TNRC18: variants seen among roughly 807,000 people sequenced by gnomAD.
TNRC18 encodes the protein trinucleotide repeat-containing gene 18 protein.
A neutral mutation model predicts 226.7 loss-of-function variants in TNRC18; 69 were observed. That is an observed-to-expected ratio of 0.30 (90% confidence interval 0.25 to 0.37). TNRC18 has a LOEUF of 0.37. TNRC18 is among the 10% of genes least tolerant of loss of function. The probability of loss-of-function intolerance (pLI) is 1.00; values close to 1 mark genes in which losing one functional copy is unlikely to be tolerated. For missense variants in TNRC18, 4,754 were observed against 4,256.6 expected, an observed-to-expected ratio of 1.12 and a Z score of -3.25; for synonymous variants, 2,449 against 1,927.6, an observed-to-expected ratio of 1.27 and a Z score of -7.09.
intron 5 of TNRC18, among the ~76,000 whole-genome samples, chr7:5,380,966 G>C (rs761512617): frequency 3.3e-5 from 5 of 152,154 alleles, no homozygotes; most frequent in Non-Finnish European, 7.4e-5. Context: ...GGCTCTCCCC[G>C]TGCCCCCAGA....
chr7:5,318,499 C>T (rs777135215), intron 24 of TNRC18, among the ~76,000 whole-genome samples: 17 of 152,080 alleles, frequency 1.1e-4, no homozygotes, highest in Admixed American at 3.9e-4. Context: ...ACATGAAATT[C>T]ACAAGAGAAG....
intron 5 of TNRC18, among the ~76,000 whole-genome samples, chr7:5,382,727 G>A (rs1296169612): frequency 2.0e-5 from 3 of 152,120 alleles, no homozygotes; most frequent in Non-Finnish European, 1.5e-5. Context: ...AGGTAGGAAA[G>A]ACAAAACTCA....
chr7:5,351,656 G>A (rs1248934711), intron 17 of TNRC18, among the ~76,000 whole-genome samples, 163 bp downstream of exon 17: 1 of 152,238 alleles, frequency 6.6e-6, no homozygotes, highest in Non-Finnish European at 1.5e-5. Context: ...GATAACAGCA[G>A]GCTACGCTGC....
At chr7:5,403,988 A>G (rs1449949294) in intron 2 of TNRC18, among the ~76,000 whole-genome samples, 2 of 152,212 alleles carry the variant, frequency 1.3e-5, no homozygotes, top group Non-Finnish European at 2.9e-5. Flanking sequence ...TCAAACTCCC[A>G]TAGATCACAA....
chr7:5,323,974 C>T (rs1788638242), intron 21 of TNRC18, among the ~76,000 whole-genome samples: 1 of 152,232 alleles, frequency 6.6e-6, no homozygotes, highest in Non-Finnish European at 1.5e-5. Flanking sequence ...TCCCAAGCCC[C>T]GCAGGACCTG....
chr7:5,373,194 C>T (rs546410938), intron 10 of TNRC18, among the ~76,000 whole-genome samples: 66 of 152,184 alleles, frequency 4.3e-4, no homozygotes, highest in African/African-American at 1.5e-3. Flanking sequence ...TCCAGTGATG[C>T]GTGCCTATGG....
At position 5,370,783 on chromosome 7, in the gene TNRC18, C is replaced by T. The variant is rs762447100; in HGVS notation, c.3811G>A (p.Val1271Met). The stretch of plus-strand genomic sequence containing the variant: ...AGGCCTTCCTCGGGCACTGCCTCCA[C>T]CACGGGCACCGCCACAGGCACCTCC... ...PVEVPVAVPV[V>M]EAVPEEGLAQ... The change falls in exon 11 of 30, where the codon GTG becomes ATG. Residue 1271 changes from valine (V) to methionine (M), a missense_variant. By Grantham distance (21) the Val-to-Met change is conservative. Transcript: ENST00000430969. 2.5e-6 allele frequency: 4 copies of T among 1,603,968 alleles called. No homozygotes were observed. The highest frequency in any genetic ancestry group is 3.4e-6 in the Non-Finnish European group (4 of 1,176,244).
Position 5,321,086 on chromosome 7 carries a change from G to T in TNRC18, c.6547C>A (p.His2183Asn). Residue 2183 changes from histidine to asparagine, a missense_variant, in exon 22 of 30, where the codon CAC (histidine) becomes AAC (asparagine). Coordinates refer to ENST00000430969, the MANE Select transcript of TNRC18 (RefSeq NM_001080495.3). ...CACCCCACTCACATGTCTGGCGAGT[G>T]CACGGTCTGCACGTGCCCGGCGTAC... ...LLYAGHVQTV[H>N]SPDIYRVVVE... The T allele has an allele frequency of 6.5e-7, 1 of 1,549,102 alleles. No individual in the cohort carries two copies. Among genetic ancestry groups the T allele is most frequent in the Non-Finnish European group, 8.7e-7 (1 of 1,146,098 alleles).
At chr7:5,356,823 T>C in intron 16 of TNRC18, 93 bp downstream of exon 16, 1 of 1,261,198 alleles carries the variant, frequency 7.9e-7, no homozygotes, top group East Asian at 2.7e-5. Flanking sequence ...AGAGAGAGAG[T>C]GAGGGGCGGG....
chr7:5,339,808 G>A (rs574121099), intron 18 of TNRC18, among the ~76,000 whole-genome samples: 2 of 151,306 alleles, frequency 1.3e-5, no homozygotes, highest in African/African-American at 4.9e-5. Flanking sequence ...GACCTCAAGT[G>A]ATCCGCCCAC....
In TNRC18 at chr7:5,388,489, G is replaced by T; in HGVS notation, c.1335C>A (p.Pro445=). ...GGGAGGCGCGTGTGGCCCGCACCGT[G>T]GGGGCATCCGCGGGGGGCGGCCGCT... is the stretch of plus-strand genomic sequence containing the variant. The part of the protein sequence containing the change: ...SLKRPPPADA[P]TVRATRASPD... The change falls in exon 5 of 30, where the codon CCC becomes CCA. Residue 445 remains proline, a synonymous_variant. Transcript: ENST00000430969. The T allele has an allele frequency of 1.5e-6, 2 of 1,358,516 alleles. No homozygotes were observed. Among genetic ancestry groups the T allele is most frequent in the South Asian group, 3.3e-5 (2 of 61,116 alleles). 84.2% of individuals were successfully genotyped at this position (1,358,516 alleles called of 1,614,324 possible).
intron 9 of TNRC18, among the ~76,000 whole-genome samples, chr7:5,375,131 C>T (rs1256649404): frequency 2.7e-5 from 4 of 149,988 alleles, no homozygotes; most frequent in African/African-American, 1.0e-4. Flanking sequence ...ATGGCGAAAC[C>T]CCATCTCTAC....
Position 5,312,488 on chromosome 7 carries a change from C to G in TNRC18, c.8388+15G>C. On this transcript the variant is annotated intron_variant, in intron 27 of 29. Transcript: ENST00000430969. The surrounding 1 kb of genome is among the most constrained non-coding windows in gnomAD (Gnocchi z 6.3). ...CCCCGGCCCCTCGGCCGTGCCCGGGCGCGAGCTTGCTCACCTGGGTGGGCT... is the reference window on the plus strand; with the variant it reads ...CCCCGGCCCCTCGGCCGTGCCCGGGGGCGAGCTTGCTCACCTGGGTGGGCT... 1.2e-6 allele frequency: 2 copies of G among 1,608,640 alleles called. No homozygotes were observed. Among genetic ancestry groups the G allele is most frequent in the Non-Finnish European group, 1.7e-6 (2 of 1,178,692 alleles).
At chr7:5,365,460 TG>T (rs1455850032) in intron 11 of TNRC18, among the ~76,000 whole-genome samples, 4 of 151,702 alleles carry the variant, frequency 2.6e-5, no homozygotes, top group Non-Finnish European at 4.4e-5. Flanking sequence ...CTGGGACACG[TG>T]TGACAGGAAG....
At chr7:5,367,749 C>G (rs73055803) in intron 11 of TNRC18, among the ~76,000 whole-genome samples, 20,266 of 149,776 alleles carry the variant, frequency 0.14, 1,536 homozygotes, top group African/African-American at 0.19. Context: ...TTTTGATTTT[C>G]TTCTACCCAA....
intron 18 of TNRC18, 45 bp downstream of exon 18, chr7:5,345,517 G>GGGGGGGGCGCCCCCCCCCCCCCCCCC: frequency 7.9e-6 from 3 of 377,744 alleles, no homozygotes; most frequent in Non-Finnish European, 9.7e-6. Flanking sequence ...AATGGCGTCC[G>GGGGGGGGCGCCCCCCCCCCCCCCCCC]CCCCTCCCAC....
chr7:5,341,136 G>A (rs186319401), intron 18 of TNRC18, among the ~76,000 whole-genome samples: 1 of 152,006 alleles, frequency 6.6e-6, no homozygotes, highest in African/African-American at 2.4e-5. Flanking sequence ...AACAGGCCGG[G>A]TGCAGTGGCT....
At chr7:5,398,476 C>G (rs1216949364) in intron 2 of TNRC18, among the ~76,000 whole-genome samples, 2 of 151,826 alleles carry the variant, frequency 1.3e-5, no homozygotes, top group Non-Finnish European at 2.9e-5. Flanking sequence ...GGCCACCCAG[C>G]TAATTTTTTT....
chr7:5,310,118 G>T (rs1388380525), intron 27 of TNRC18, among the ~76,000 whole-genome samples: 1 of 152,094 alleles, frequency 6.6e-6, no homozygotes, highest in Non-Finnish European at 1.5e-5. Flanking sequence ...GCCCAAGATG[G>T]TCTTGAACTT....
Sources: gnomAD v4.1 joint callset for allele counts (sites outside exome capture counted in the v4.1 genomes callset) on GRCh38, gnomAD v4.1.1 for gene constraint, Gnocchi (gnomAD v3.1) non-coding constraint, MANE v1.5 for transcripts, NCBI Gene and HGNC (gene_info 2026-07-23, HGNC 2026-07-21) for gene names.